The following MTHFD2L variants were observed in gnomAD, a reference collection of about 807,000 sequenced individuals.
The protein encoded by MTHFD2L is methylenetetrahydrofolate dehydrogenase (NADP+ dependent) 2 like.
Under a neutral mutation model 34.9 loss-of-function variants are expected in MTHFD2L, and 29 were observed. That is an observed-to-expected ratio of 0.83 (90% CI 0.62 to 1.13). The LOEUF (loss-of-function observed/expected upper bound fraction) is 1.13, where lower values mean the gene tolerates loss of function less well. MTHFD2L is among the 50% of genes most tolerant of loss of function. MTHFD2L has a pLI of 0.00. For synonymous variants in MTHFD2L, 167 were observed against 155.7 expected, an observed-to-expected ratio of 1.07 and a Z score of -0.54; for missense variants, 481 against 446.5, an observed-to-expected ratio of 1.08 and a Z score of -0.70.
chr4:74,118,478 T>C (rs1721693406), upstream of MTHFD2L, among the ~76,000 whole-genome samples: 1 of 152,178 alleles, frequency 6.6e-6, no homozygotes, highest in Non-Finnish European at 1.5e-5. Flanking sequence ...ATGGACTGAA[T>C]TGCATTCCCT....
At chr4:74,174,927 G>A (rs1397845721) in intron 2 of MTHFD2L, among the ~76,000 whole-genome samples, 1 of 152,064 alleles carries the variant, frequency 6.6e-6, no homozygotes, top group Non-Finnish European at 1.5e-5. Flanking sequence ...AGGATAGTTT[G>A]CATCTAAAAG....
intron 3 of MTHFD2L, among the ~76,000 whole-genome samples, chr4:74,199,219 A>T (rs1255010149): frequency 1.3e-5 from 2 of 152,082 alleles, no homozygotes; most frequent in African/African-American, 4.8e-5. Flanking sequence ...TCCATATAGC[A>T]AATCATAGTA....
At chr4:74,138,645 G>A (rs962458855) in intron 1 of MTHFD2L, among the ~76,000 whole-genome samples, 9 of 152,186 alleles carry the variant, frequency 5.9e-5, no homozygotes, top group Admixed American at 6.5e-5. Flanking sequence ...TGCTGGATCC[G>A]GAGGAGTGGA....
At chr4:74,187,424 A>C (rs1042674869) in intron 3 of MTHFD2L, among the ~76,000 whole-genome samples, 1 of 152,168 alleles carries the variant, frequency 6.6e-6, no homozygotes, top group African/African-American at 2.4e-5. Context: ...ATAATGACAG[A>C]GAGAATAGCA....
chr4:74,301,063 T>G (rs1248982467), intron 7 of MTHFD2L, among the ~76,000 whole-genome samples: 8 of 152,100 alleles, frequency 5.3e-5, no homozygotes, highest in Admixed American at 5.2e-4. Context: ...ATTTGAAGTA[T>G]AGTTCCCACT....
intron 6 of MTHFD2L, among the ~76,000 whole-genome samples, chr4:74,255,448 G>C (rs1441365631): frequency 3.3e-5 from 5 of 152,052 alleles, no homozygotes; most frequent in Admixed American, 1.3e-4. Context: ...AAAGGAACTA[G>C]AAAACAGTAA....
Position 74,281,308 on chromosome 4 carries a change from C to A in MTHFD2L, c.806-117C>A, listed in dbSNP as rs555102602. 2.3e-5 allele frequency: 20 copies of A among 875,414 alleles called. No homozygotes were observed. The South Asian group carries it at 4.4e-4, about 19-fold the overall frequency. The allele number at this position is 875,414 out of a possible 1,614,324, so 54.2% of individuals were successfully genotyped here. Reference sequence around the variant, plus strand: ...CATCAATGGCCTGTTTTTTAAGGAACAATGTATTACACATACGTGTGTGTG... The same window carrying A: ...CATCAATGGCCTGTTTTTTAAGGAAAAATGTATTACACATACGTGTGTGTG... On this transcript the variant is annotated intron_variant, in intron 6 of 7. Coordinates refer to ENST00000325278, the MANE Select transcript of MTHFD2L (RefSeq NM_001144978.3).
At chr4:74,201,036 G>T (rs1734330430) in intron 4 of MTHFD2L, among the ~76,000 whole-genome samples, 2 of 152,150 alleles carry the variant, frequency 1.3e-5, no homozygotes, top group African/African-American at 4.8e-5. Context: ...GTCAACTTAA[G>T]AATGTCTGTG....
intron 7 of MTHFD2L, among the ~76,000 whole-genome samples, chr4:74,300,343 T>A (rs1467337617): frequency 6.6e-6 from 1 of 151,972 alleles, no homozygotes; most frequent in African/African-American, 2.4e-5. Context: ...AAAAAATTAT[T>A]CCAATGTACT....
intron 3 of MTHFD2L, among the ~76,000 whole-genome samples, chr4:74,185,599 T>C (rs1356341072): frequency 1.3e-5 from 2 of 152,104 alleles, no homozygotes; most frequent in Non-Finnish European, 2.9e-5. Flanking sequence ...GGTGGTAATA[T>C]CACTACAGAT....
At position 74,148,485 on chromosome 4, in the gene MTHFD2L, T is replaced by C. The variant is rs543635666; in HGVS notation, c.-296-11570T>C. 6.8e-4 allele frequency among the ~76,000 whole-genome samples: 103 copies of C among 151,982 alleles called. 1 individual carries two copies. Among genetic ancestry groups the C allele is most frequent in the Admixed American group, 6.7e-3 (103 of 15,260 alleles). On this transcript the variant is annotated intron_variant, in intron 1 of 7. Coordinates refer to the MTHFD2L transcript ENST00000433372. ...TTACTGCAACCTCTACCTCCCAGGT[T>C]CAAGTGATTCTCCTGTCTCAGTCTC...
intron 1 of MTHFD2L, among the ~76,000 whole-genome samples, chr4:74,139,750 A>C (rs898426693): frequency 8.6e-5 from 13 of 151,746 alleles, no homozygotes; most frequent in Non-Finnish European, 1.3e-4. Context: ...CTTCTGCTGC[A>C]CTCCCCCAAT....
intron 3 of MTHFD2L, among the ~76,000 whole-genome samples, chr4:74,189,497 T>C (rs1352127300): frequency 1.3e-5 from 2 of 148,532 alleles, no homozygotes; most frequent in African/African-American, 5.0e-5. Flanking sequence ...TTTTTTTTTT[T>C]TTTTTTTTTT....
chr4:74,140,432 T>A (rs1343211278), intron 1 of MTHFD2L: 1 of 392,696 alleles, frequency 2.5e-6, no homozygotes, highest in Non-Finnish European at 3.5e-6. Flanking sequence ...TTTAATTTTA[T>A]GTAATTAATT....
chr4:74,284,183 T>A (rs1210625506), intron 7 of MTHFD2L, among the ~76,000 whole-genome samples: 5 of 152,094 alleles, frequency 3.3e-5, no homozygotes, highest in African/African-American at 1.2e-4. Flanking sequence ...TTTATCCACA[T>A]AAATAAACAA....
In MTHFD2L at chr4:74,175,485, A is replaced by G. The variant is rs1213822841; in HGVS notation, c.451+82A>G. The G allele has an allele frequency of 6.7e-6, 9 of 1,352,968 alleles. No individual in the cohort carries two copies. In the Admixed American group the frequency reaches 6.7e-5, roughly 10 times the overall value. 83.8% of individuals were successfully genotyped at this position (1,352,968 alleles called of 1,614,324 possible). A position where few individuals can be genotyped will look rare whatever the true frequency, so the allele number is the denominator to read the frequency against. On this transcript the variant is annotated intron_variant, in intron 3 of 7. Coordinates refer to ENST00000325278, the MANE Select transcript of MTHFD2L (RefSeq NM_001144978.3). The stretch of plus-strand genomic sequence containing the variant: ...TTTCAACATCATATTATGATACTGC[A>G]AGTAATTTATAAAATACATTCAGAA...
chr4:74,273,236 C>A (rs1428548056), intron 6 of MTHFD2L, among the ~76,000 whole-genome samples: 1 of 151,960 alleles, frequency 6.6e-6, no homozygotes, highest in Non-Finnish European at 1.5e-5. Context: ...GAGTTTTTTT[C>A]TGTTCTGACA....
intron 6 of MTHFD2L, chr4:74,267,090 T>A (rs1210822457): frequency 1.0e-6 from 1 of 985,260 alleles, no homozygotes; most frequent in African/African-American, 1.7e-5. Context: ...ACACTGAGCT[T>A]GGTAAACAAT....
intron 1 of MTHFD2L, among the ~76,000 whole-genome samples, chr4:74,146,607 T>C (rs1035794657): frequency 1.3e-5 from 2 of 152,216 alleles, no homozygotes; most frequent in Non-Finnish European, 2.9e-5. Context: ...ATTTGTCTTT[T>C]TATACACCTT....
Sources: allele counts gnomAD v4.1 joint callset (sites outside exome capture counted in the v4.1 genomes callset), GRCh38; gene constraint gnomAD v4.1.1; transcripts MANE v1.5; gene names NCBI Gene and HGNC (gene_info 2026-07-23, HGNC 2026-07-21).